ATP8A2: variants seen among roughly 807,000 people sequenced by gnomAD.
The protein encoded by ATP8A2 is phospholipid-transporting ATPase IB.
Under a neutral mutation model 165.6 loss-of-function variants are expected in ATP8A2, and 100 were observed. The ratio of observed to expected loss-of-function variants is 0.60; its 90% CI spans 0.51 to 0.71. ATP8A2 has a LOEUF of 0.71. ATP8A2 is among the 30% of genes least tolerant of loss of function. ATP8A2 has a pLI of 0.00. For synonymous variants in ATP8A2, 543 were observed against 548.8 expected (o/e 0.99, Z 0.15); for missense variants, 1,227 against 1,479.5 (o/e 0.83, Z 2.80).
intron 2 of ATP8A2, among the ~76,000 whole-genome samples, chr13:25,475,567 G>A (rs1001016482): frequency 1.3e-5 from 2 of 152,178 alleles, no homozygotes; most frequent in African/African-American, 2.4e-5. Flanking sequence ...TGGTAGTTCG[G>A]TTATTAGCTC....
In ATP8A2 at chr13:25,503,949, C is replaced by T. The variant is rs577503078; in HGVS notation, c.222-26050C>T. On this transcript the variant is annotated intron_variant, in intron 2 of 36. Transcript: ENST00000381655. The stretch of plus-strand genomic sequence containing the variant: ...TTCTCCAGTAGGATTTGGAGATTGT[C>T]CTTTGCTAATGGTTATCCAAATGTT... 8.5e-5 allele frequency among the ~76,000 whole-genome samples: 13 copies of T among 152,302 alleles called. No homozygotes were observed. The East Asian group carries it at 2.5e-3, about 29-fold the overall frequency.
At chr13:25,461,022 C>A (rs1278280451) in intron 1 of ATP8A2, among the ~76,000 whole-genome samples, 1 of 152,214 alleles carries the variant, frequency 6.6e-6, no homozygotes, top group Non-Finnish European at 1.5e-5. Flanking sequence ...TAACTGAATG[C>A]ATTCCACACC....
At chr13:25,552,026 G>A (rs1237595770) in intron 11 of ATP8A2, among the ~76,000 whole-genome samples, 3 of 152,002 alleles carry the variant, frequency 2.0e-5, no homozygotes, top group African/African-American at 7.2e-5. Flanking sequence ...TTGCTCTGTC[G>A]CCCAGGCTGG....
intron 1 of ATP8A2, among the ~76,000 whole-genome samples, chr13:25,411,187 A>G (rs1281042623): frequency 6.6e-6 from 1 of 152,218 alleles, no homozygotes; most frequent in East Asian, 1.9e-4. Flanking sequence ...GGGATATACC[A>G]TACTATTCAT....
chr13:25,549,901 A>C (rs1409392172), intron 10 of ATP8A2, among the ~76,000 whole-genome samples: 1 of 150,586 alleles, frequency 6.6e-6, no homozygotes, highest in Admixed American at 6.6e-5. Context: ...CCTTTTGATG[A>C]CCCTTGTGGT....
rs2038941216 is a variant in ATP8A2 at position 25,555,057 on chromosome 13, G to A, written c.1252G>A (p.Glu418Lys). 6.2e-7 allele frequency: 1 copy of A among 1,612,076 alleles called. No homozygotes were observed. Among genetic ancestry groups the A allele is most frequent in the African/African-American group, 1.3e-5 (1 of 74,808 alleles). The change falls in exon 13 of 37, where the codon GAG becomes AAG. Residue 418 changes from glutamate to lysine, a missense_variant. Glu to Lys is a moderately conservative substitution (Grantham distance 56). Transcript: ENST00000381655. Reference protein sequence around the residue: ...AMARTSNLNEELGQVKYLFSD... With the variant: ...AMARTSNLNEKLGQVKYLFSD... The stretch of plus-strand genomic sequence containing the variant: ...GGCCAGGACATCAAACCTTAATGAA[G>A]AGCTTGGGCAGGTGAAAAAGCCTCT...
At chr13:25,512,957 G>A (rs2037306229) in intron 2 of ATP8A2, among the ~76,000 whole-genome samples, 1 of 135,856 alleles carries the variant, frequency 7.4e-6, no homozygotes, top group African/African-American at 2.6e-5. Context: ...GCCGGGTGGG[G>A]GGCTGACCCC....
chr13:25,868,826 T>C (rs1210977366), intron 33 of ATP8A2, among the ~76,000 whole-genome samples: 1 of 151,864 alleles, frequency 6.6e-6, no homozygotes, highest in Non-Finnish European at 1.5e-5. Context: ...CAAAAGCACT[T>C]TGGGAGGCCT....
At chr13:25,808,491 C>T (rs1052868400) in intron 27 of ATP8A2, among the ~76,000 whole-genome samples, 2 of 151,212 alleles carry the variant, frequency 1.3e-5, no homozygotes, top group South Asian at 2.1e-4. Context: ...CCCAACTATT[C>T]GGGAGGCTGA....
At position 26,009,200 on chromosome 13, in the gene ATP8A2, A is replaced by G. The variant is rs180744012; in HGVS notation, c.3378-3331A>G. 2.1e-3 allele frequency among the ~76,000 whole-genome samples: 323 copies of G among 152,376 alleles called. 3 individuals are homozygous for G. Among genetic ancestry groups the G allele is most frequent in the African/African-American group, 7.4e-3 (309 of 41,586 alleles). The stretch of plus-strand genomic sequence containing the variant: ...TTGCAGGACTTGGTATAAGAGTACC[A>G]GTGGAGACCTTGAACCACACATAAA... On this transcript the variant is annotated intron_variant, in intron 35 of 36. Coordinates refer to ENST00000381655, the MANE Select transcript of ATP8A2 (RefSeq NM_016529.6).
chr13:25,746,678 G>A (rs7321430), intron 25 of ATP8A2, among the ~76,000 whole-genome samples: 53,911 of 151,922 alleles, frequency 0.35, 9,995 homozygotes, highest in East Asian at 0.49. Flanking sequence ...TTCCCTGGAC[G>A]GACGTTATTC....
chr13:25,710,760 C>T (rs2043142898), intron 25 of ATP8A2, among the ~76,000 whole-genome samples: 1 of 152,140 alleles, frequency 6.6e-6, no homozygotes, highest in Non-Finnish European at 1.5e-5. Context: ...GCATGAGGTG[C>T]TATGAAAGCT....
intron 25 of ATP8A2, among the ~76,000 whole-genome samples, chr13:25,735,650 G>A (rs982011235): frequency 6.6e-6 from 1 of 152,172 alleles, no homozygotes; most frequent in Admixed American, 6.5e-5. Flanking sequence ...AGGGAAACAG[G>A]AGGCTTTTTG....
chr13:25,450,893 G>A (rs2035207603), intron 1 of ATP8A2, among the ~76,000 whole-genome samples: 1 of 152,076 alleles, frequency 6.6e-6, no homozygotes, highest in Non-Finnish European at 1.5e-5. Flanking sequence ...AAAATGCTGA[G>A]ATTATAGGTT....
At position 25,837,188 on chromosome 13, in the gene ATP8A2, C is replaced by G. The variant is rs537198642; in HGVS notation, c.2780C>G (p.Thr927Ser). Reference protein sequence around the residue: ...NVIFTALPPFTLGIFERSCTQ... With the variant: ...NVIFTALPPFSLGIFERSCTQ... ...ATTTTCACCGCTTTGCCGCCCTTCA[C>G]TCTGGGAATCTTTGAGAGGTCTTGC... is the stretch of plus-strand genomic sequence containing the variant. The change falls in exon 29 of 37, where the codon ACT (threonine) becomes AGT (serine). Residue 927 changes from threonine to serine, a missense_variant. Physicochemically the swap from Thr to Ser is moderately conservative, Grantham distance 58. Coordinates refer to ENST00000381655, the MANE Select transcript of ATP8A2 (RefSeq NM_016529.6). The G allele has an allele frequency of 4.3e-6, 7 of 1,614,008 alleles. No homozygotes were observed. The East Asian group carries it at 1.6e-4, about 36-fold the overall frequency.
chr13:25,920,401 T>TA (rs1954413611), intron 33 of ATP8A2, among the ~76,000 whole-genome samples: 1 of 152,092 alleles, frequency 6.6e-6, no homozygotes, highest in African/African-American at 2.4e-5. Flanking sequence ...CACACATTAT[T>TA]AACACACACA....
At chr13:25,574,949 A>T (rs2039575109) in intron 19 of ATP8A2, 92 bp downstream of exon 19, 1 of 662,920 alleles carries the variant, frequency 1.5e-6, no homozygotes, top group African/African-American at 1.9e-5. Flanking sequence ...GTATGATTCA[A>T]TATATTACTT....
intron 35 of ATP8A2, among the ~76,000 whole-genome samples, chr13:26,010,939 A>G (rs1041690655): frequency 3.3e-5 from 5 of 152,358 alleles, no homozygotes; most frequent in African/African-American, 1.2e-4. Context: ...AATGAACTTC[A>G]GCTCAAAGAA....
chr13:25,480,911 C>A (rs2036171098), intron 2 of ATP8A2, among the ~76,000 whole-genome samples: 1 of 152,070 alleles, frequency 6.6e-6, no homozygotes, highest in Non-Finnish European at 1.5e-5. Context: ...CCTGGCACCT[C>A]CGGAGGCCGA....
Sources: allele counts gnomAD v4.1 joint callset (sites outside exome capture counted in the v4.1 genomes callset), GRCh38; gene constraint gnomAD v4.1.1; transcripts MANE v1.5; gene names NCBI Gene and HGNC (gene_info 2026-07-23, HGNC 2026-07-21).